The following HTT-AS variants were observed in gnomAD, a reference collection of about 807,000 sequenced individuals.
HTT-AS encodes the protein HTT antisense RNA (head to head).
At chr4:3,068,787 T>C (rs904090672) in intron 1 of HTT-AS, among the ~76,000 whole-genome samples, 1 of 151,948 alleles carries the variant, frequency 6.6e-6, no homozygotes, top group Non-Finnish European at 1.5e-5. Context: ...CCTGAGTAGC[T>C]GAGATTACAG....
chr4:3,069,203 T>C (rs1712115956), intron 1 of HTT-AS, among the ~76,000 whole-genome samples: 3 of 151,754 alleles, frequency 2.0e-5, no homozygotes, highest in Admixed American at 1.3e-4. Flanking sequence ...TGGAGTGTTG[T>C]GGTGTGATCT....
intron 1 of HTT-AS, among the ~76,000 whole-genome samples, chr4:3,066,966 C>T (rs140852188): frequency 6.6e-6 from 1 of 152,292 alleles, no homozygotes; most frequent in East Asian, 1.9e-4. Flanking sequence ...ACTTAAACAA[C>T]TATGTTTCCC....
At position 3,063,850 on chromosome 4, in the gene HTT-AS, T is replaced by G. The variant is rs567367760; in HGVS notation, n.114-150A>C. On this transcript the variant is annotated intron_variant and non_coding_transcript_variant, in intron 1 of 2. Coordinates refer to ENST00000664062, the Ensembl canonical transcript of HTT-AS. ...CCATGCTGGCCAATAAAAGATGATT[T>G]TATGGAGGGGATGGTGGTGAAGGTT... 2 of 152,112 alleles carry G rather than the reference T, an allele frequency of 1.3e-5. 1 individual carries two copies. Among genetic ancestry groups the G allele is most frequent in the East Asian group, 3.9e-4 (2 of 5,128 alleles). 9.4% of individuals were successfully genotyped at this position (152,112 alleles called of 1,614,324 possible).
At chr4:3,068,133 G>A (rs752292508) in intron 1 of HTT-AS, among the ~76,000 whole-genome samples, 73 of 151,560 alleles carry the variant, frequency 4.8e-4, no homozygotes, top group Non-Finnish European at 8.5e-4. Context: ...GTGAAACCCC[G>A]TCTCTACTAA....
At chr4:3,059,813 T>G (rs1711890885) in intron 2 of HTT-AS, among the ~76,000 whole-genome samples, 1 of 152,142 alleles carries the variant, frequency 6.6e-6, no homozygotes, top group African/African-American at 2.4e-5. Context: ...CCTCAGGTGG[T>G]CCACCTGCCT....
At chr4:3,058,196 C>G (rs1028980600) in intron 2 of HTT-AS, among the ~76,000 whole-genome samples, 2 of 151,818 alleles carry the variant, frequency 1.3e-5, no homozygotes, top group East Asian at 2.0e-4. Context: ...CGTGGTGGCG[C>G]GTGCCTGTAC....
In HTT-AS at chr4:3,055,743, A is replaced by AT. The variant is rs531342901; in HGVS notation, n.1381-6046dup. Among the ~76,000 whole-genome samples, 282 of 152,272 alleles carry AT rather than the reference A, an allele frequency of 1.9e-3. 3 individuals are homozygous for AT. The highest frequency in any genetic ancestry group is 3.6e-3 in the Admixed American group (55 of 15,280). On this transcript the variant is annotated intron_variant and non_coding_transcript_variant, in intron 2 of 2. Transcript: ENST00000664062. ...CTTCCCTTGATTAATTTAGCCAATG[A>AT]TTTTTTCCTACCTAAGTGTGCAAGA...
At chr4:3,057,765 C>T (rs1179692712) in intron 2 of HTT-AS, among the ~76,000 whole-genome samples, 9 of 151,896 alleles carry the variant, frequency 5.9e-5, no homozygotes, top group Admixed American at 5.9e-4. Context: ...TCCTGAGTAG[C>T]TGGGACTATA....
At chr4:3,069,231 C>T (rs1341954355) in intron 1 of HTT-AS, among the ~76,000 whole-genome samples, 1 of 151,714 alleles carries the variant, frequency 6.6e-6, no homozygotes, top group African/African-American at 2.4e-5. Context: ...CTGCAACCTC[C>T]TCCTCTTGGG....
chr4:3,073,529 C>T (rs1712253436), intron 1 of HTT-AS, among the ~76,000 whole-genome samples: 1 of 152,242 alleles, frequency 6.6e-6, no homozygotes, highest in East Asian at 1.9e-4. Context: ...GGTCGGGACT[C>T]ATTCCTGTGG....
chr4:3,049,976 A>ATCTC (rs57955336), intron 2 of HTT-AS, among the ~76,000 whole-genome samples: 91,821 of 146,832 alleles, frequency 0.63, 29,621 homozygotes, highest in South Asian at 0.78. Context: ...TTGAGATGGA[A>ATCTC]TCTCTGTCAC....
At chr4:3,070,451 C>T (rs61791259) in intron 1 of HTT-AS, among the ~76,000 whole-genome samples, 10,038 of 152,014 alleles carry the variant, frequency 0.066, 426 homozygotes, top group African/African-American at 0.12. Flanking sequence ...CCACCATGCC[C>T]GGCTAATTTT....
chr4:3,061,930 C>CGA (rs1469697057), intron 2 of HTT-AS, among the ~76,000 whole-genome samples: 1 of 143,460 alleles, frequency 7.0e-6, no homozygotes, highest in African/African-American at 2.6e-5. Context: ...TGCAGTGAGC[C>CGA]GAGATCACAC....
intron 2 of HTT-AS, among the ~76,000 whole-genome samples, chr4:3,052,228 C>T (rs1027253025): frequency 3.3e-5 from 5 of 152,148 alleles, no homozygotes; most frequent in African/African-American, 1.2e-4. Flanking sequence ...CACAAACTGT[C>T]TTGAATTGCC....
rs547990595 is a variant in HTT-AS, at chr4:3,066,362, G to C, written n.114-2662C>G. ...TTTTTGTAATTTTAGTAGAGACGGG[G>C]TTTCACCATGTTGGCCAGGATGGTC... On this transcript the variant is annotated intron_variant and non_coding_transcript_variant, in intron 1 of 2. Coordinates refer to ENST00000664062, the Ensembl canonical transcript of HTT-AS. Among the ~76,000 whole-genome samples, 3 of 152,232 alleles carry C rather than the reference G, an allele frequency of 2.0e-5. No individual in the cohort carries two copies. The East Asian group carries it at 5.8e-4, about 29-fold the overall frequency.
At chr4:3,049,199 G>A (rs1331715044) in exon 3 of HTT-AS, among the ~76,000 whole-genome samples, 1 of 152,094 alleles carries the variant, frequency 6.6e-6, no homozygotes, top group East Asian at 1.9e-4. Context: ...CGAGGTGGGC[G>A]GATCACCTGA....
downstream of HTT-AS, among the ~76,000 whole-genome samples, chr4:3,047,495 G>A (rs1711614131): frequency 6.6e-6 from 1 of 152,130 alleles, no homozygotes; most frequent in South Asian, 2.1e-4. Flanking sequence ...ACAGAGATAG[G>A]AGCTGAAGGG....
chr4:3,061,986 TAAAAAAAAAAAAAA>T (rs548695397), intron 2 of HTT-AS, among the ~76,000 whole-genome samples: 11 of 63,420 alleles, frequency 1.7e-4, no homozygotes, highest in Non-Finnish European at 2.9e-4. Flanking sequence ...TATCTCAAAT[TAAAAAAAAAAAAAA>T]AAAAAAAAAA....
intron 2 of HTT-AS, among the ~76,000 whole-genome samples, chr4:3,059,455 C>T (rs911694753): frequency 3.9e-5 from 6 of 152,184 alleles, no homozygotes; most frequent in African/African-American, 1.4e-4. Context: ...TTTTAACATA[C>T]CAATGGTGCA....
Sources: allele counts gnomAD v4.1 joint callset (sites outside exome capture counted in the v4.1 genomes callset), GRCh38; gene constraint gnomAD v4.1.1; transcripts MANE v1.5; gene names NCBI Gene and HGNC (gene_info 2026-07-23, HGNC 2026-07-21).